The following RAD51B variants were observed in gnomAD, a reference collection of about 807,000 sequenced individuals.
RAD51B encodes the protein DNA repair protein RAD51 homolog 2.
In RAD51B, 38 loss-of-function variants were observed where a neutral mutation model predicts 42.2. The observed-to-expected ratio is 0.90, with a 90% CI of 0.70 to 1.18. The LOEUF (loss-of-function observed/expected upper bound fraction) is 1.18. Ranked by LOEUF, RAD51B falls within the 50% of genes most tolerant of loss-of-function variation. RAD51B has a pLI of 0.00. For synonymous variants in RAD51B, 154 were observed against 145.2 expected (o/e 1.06, Z -0.43); for missense variants, 373 against 400.7 (o/e 0.93, Z 0.59).
chr14:68,438,669 C>T (rs138629294), intron 9 of RAD51B, among the ~76,000 whole-genome samples: 76 of 152,296 alleles, frequency 5.0e-4, no homozygotes, highest in Admixed American at 1.8e-3. Context: ...ATGCCATTTC[C>T]TTATTTCGGA....
At chr14:68,433,642 A>T (rs2085071509) in intron 9 of RAD51B, among the ~76,000 whole-genome samples, 1 of 152,102 alleles carries the variant, frequency 6.6e-6, no homozygotes. Flanking sequence ...CTAGTTAGCC[A>T]TTCGTCTAAT....
At chr14:67,852,432 A>G (rs2041856597) in intron 4 of RAD51B, among the ~76,000 whole-genome samples, 2 of 152,200 alleles carry the variant, frequency 1.3e-5, no homozygotes, top group South Asian at 4.1e-4. Flanking sequence ...TCTTCCTTAC[A>G]TGGCTTATAT....
At chr14:68,432,510 C>G (rs1363862882) in intron 9 of RAD51B, among the ~76,000 whole-genome samples, 1 of 152,140 alleles carries the variant, frequency 6.6e-6, no homozygotes, top group Non-Finnish European at 1.5e-5. Flanking sequence ...ATGTAATGAC[C>G]TTCTTTGTCT....
intron 7 of RAD51B, among the ~76,000 whole-genome samples, chr14:68,102,718 C>T (rs1051203735): frequency 6.6e-6 from 1 of 152,184 alleles, no homozygotes; most frequent in Admixed American, 6.5e-5. Flanking sequence ...CCAAACTGTT[C>T]CAAACCCTGC....
intron 8 of RAD51B, among the ~76,000 whole-genome samples, chr14:68,292,239 A>C (rs1245536087): frequency 6.6e-6 from 1 of 152,196 alleles, no homozygotes; most frequent in Non-Finnish European, 1.5e-5. Flanking sequence ...CCTTAGTATG[A>C]GGGCTGATGA....
At chr14:68,562,711 G>A (rs1232716770) in intron 10 of RAD51B, 1 of 985,258 alleles carries the variant, frequency 1.0e-6, no homozygotes, top group Non-Finnish European at 1.2e-6. Flanking sequence ...GTGGCCATTT[G>A]TTTCCCCACA....
At chr14:67,975,547 A>G (rs1301350874) in intron 7 of RAD51B, among the ~76,000 whole-genome samples, 1 of 152,254 alleles carries the variant, frequency 6.6e-6, no homozygotes, top group Admixed American at 6.5e-5. Flanking sequence ...ACTCAGTTTA[A>G]TTGAGCAAAT....
intron 8 of RAD51B, among the ~76,000 whole-genome samples, chr14:68,309,779 A>G (rs1595691366): frequency 6.6e-6 from 1 of 152,178 alleles, no homozygotes; most frequent in African/African-American, 2.4e-5. Context: ...GATGTCTGCC[A>G]AAGACATGGT....
intron 10 of RAD51B, among the ~76,000 whole-genome samples, chr14:68,533,087 T>C (rs1418390922): frequency 6.6e-6 from 1 of 152,116 alleles, no homozygotes; most frequent in Non-Finnish European, 1.5e-5. Context: ...AAATGAGGTA[T>C]AAGAATTGAA....
chr14:67,912,310 T>C (rs776185099), intron 7 of RAD51B, among the ~76,000 whole-genome samples: 4 of 152,230 alleles, frequency 2.6e-5, no homozygotes, highest in Non-Finnish European at 4.4e-5. Context: ...TTAAAGGAAA[T>C]GTAGCTATGC....
At chr14:67,948,396 T>C (rs1037187665) in intron 7 of RAD51B, among the ~76,000 whole-genome samples, 4 of 152,184 alleles carry the variant, frequency 2.6e-5, no homozygotes, top group African/African-American at 9.7e-5. Context: ...CAACAGGAAT[T>C]GGGGTCTGGA....
At chr14:68,035,990 T>G (rs1052741438) in intron 7 of RAD51B, among the ~76,000 whole-genome samples, 2 of 152,234 alleles carry the variant, frequency 1.3e-5, no homozygotes, top group Non-Finnish European at 2.9e-5. Flanking sequence ...AAGACAATTT[T>G]ACCTGGAAAA....
At position 68,609,443 on chromosome 14, in the gene RAD51B, C is replaced by T. The variant is rs552166055; in HGVS notation, c.1037-1563C>T. ...GGCCCCTGGAGTCTCCTCTCACCCC[C>T]CTCAGAGCTCACTCACTCACACCAC... is the stretch of plus-strand genomic sequence containing the variant. On this transcript the variant is annotated intron_variant, in intron 10 of 10. Transcript: ENST00000487861. Among the ~76,000 whole-genome samples the T allele has an allele frequency of 3.9e-5, 6 of 152,266 alleles. No homozygotes were observed. In the South Asian group the frequency reaches 6.2e-4, roughly 16 times the overall value.
At chr14:68,165,366 A>G (rs1481154612) in intron 7 of RAD51B, among the ~76,000 whole-genome samples, 1 of 152,194 alleles carries the variant, frequency 6.6e-6, no homozygotes, top group African/African-American at 2.4e-5. Context: ...ATAGGACTAC[A>G]TAGTGGCATG....
intron 10 of RAD51B, among the ~76,000 whole-genome samples, chr14:68,508,861 C>A (rs767195815): frequency 6.6e-6 from 1 of 152,250 alleles, no homozygotes; most frequent in Admixed American, 6.5e-5. Flanking sequence ...GGAGGCCCTT[C>A]ACCCAGGGTT....
intron 10 of RAD51B, among the ~76,000 whole-genome samples, chr14:68,530,805 A>G (rs1887255936): frequency 6.6e-6 from 1 of 152,178 alleles, no homozygotes; most frequent in African/African-American, 2.4e-5. Flanking sequence ...ATAGAAATCA[A>G]GAAACTATAG....
chr14:68,222,326 C>T (rs996934996), intron 7 of RAD51B, among the ~76,000 whole-genome samples: 1 of 152,260 alleles, frequency 6.6e-6, no homozygotes, highest in East Asian at 1.9e-4. Flanking sequence ...TATGTATATA[C>T]CATGGAGTAC....
chr14:67,868,240 A>G (rs193220173), intron 5 of RAD51B, among the ~76,000 whole-genome samples: 168 of 152,184 alleles, frequency 1.1e-3, no homozygotes, highest in African/African-American at 3.6e-3. Flanking sequence ...ACCACATGCA[A>G]GCCGAAGCAG....
chr14:68,005,236 T>G (rs559787239), intron 7 of RAD51B, among the ~76,000 whole-genome samples: 11 of 151,974 alleles, frequency 7.2e-5, no homozygotes, highest in African/African-American at 2.7e-4. Flanking sequence ...GTATTTTTAA[T>G]TGAGGTGGGG....
Sources: gnomAD v4.1 joint callset for allele counts (sites outside exome capture counted in the v4.1 genomes callset) on GRCh38, gnomAD v4.1.1 for gene constraint, MANE v1.5 for transcripts, NCBI Gene and HGNC (gene_info 2026-07-23, HGNC 2026-07-21) for gene names.